The following TTC1 variants were observed in gnomAD, a reference collection of about 807,000 sequenced individuals.
The protein encoded by TTC1 is tetratricopeptide repeat protein 1.
A neutral mutation model predicts 37.6 loss-of-function variants in TTC1; 31 were observed. The observed-to-expected ratio is 0.82, with a 90% CI of 0.62 to 1.11. The LOEUF (loss-of-function observed/expected upper bound fraction) is 1.11, where lower values mean the gene tolerates loss of function less well. Ranked by LOEUF, TTC1 falls within the 50% of genes most tolerant of loss-of-function variation. The pLI, the probability that TTC1 is intolerant of heterozygous loss-of-function variation, is 0.00. For missense variants in TTC1, 351 were observed against 339.0 expected, an observed-to-expected ratio of 1.04 and a Z score of -0.28; for synonymous variants, 127 against 122.4, an observed-to-expected ratio of 1.04 and a Z score of -0.25.
intron 2 of TTC1, among the ~76,000 whole-genome samples, chr5:160,028,192 G>A (rs549251764): frequency 2.0e-5 from 3 of 151,786 alleles, no homozygotes; most frequent in Admixed American, 6.6e-5. Context: ...CCAGCTACTC[G>A]GGAGGCTGAG....
intron 2 of TTC1, among the ~76,000 whole-genome samples, chr5:160,013,742 CA>C (rs35968051): frequency 0.076 from 6,983 of 92,048 alleles, 164 homozygotes; most frequent in Middle Eastern, 0.15. Context: ...GACTCTGTCT[CA>C]AAAAAAAAAA....
Position 160,055,121 on chromosome 5 carries a change from A to G in TTC1, c.745+3938A>G, listed in dbSNP as rs190143197. Among the ~76,000 whole-genome samples, 12 of 152,350 alleles carry G rather than the reference A, an allele frequency of 7.9e-5. No homozygotes were observed. In the East Asian group the frequency reaches 2.1e-3, roughly 27 times the overall value. Reference sequence around the variant, plus strand: ...ACTGGGATGATGATACAGGTCTCCAAACAAGCTTTGATTCCAGATAGAAAA... The same window carrying G: ...ACTGGGATGATGATACAGGTCTCCAGACAAGCTTTGATTCCAGATAGAAAA... On this transcript the variant is annotated intron_variant, in intron 7 of 7. Transcript: ENST00000231238.
At chr5:160,010,044 C>T (rs990382705) in intron 1 of TTC1, among the ~76,000 whole-genome samples, 2 of 152,100 alleles carry the variant, frequency 1.3e-5, no homozygotes, top group South Asian at 2.1e-4. Context: ...CCAAACAGAA[C>T]ACGAACGGTG....
At chr5:160,049,378 C>T (rs1757341964) in intron 5 of TTC1, 136 bp from the exon 6 acceptor site, 1 of 765,176 alleles carries the variant, frequency 1.3e-6, no homozygotes, top group Non-Finnish European at 1.9e-6. Flanking sequence ...AAAAGTTTTC[C>T]AGCATCAGGT....
At chr5:160,051,700 T>G (rs2113398668) in intron 7 of TTC1, among the ~76,000 whole-genome samples, 1 of 152,254 alleles carries the variant, frequency 6.6e-6, no homozygotes, top group South Asian at 2.1e-4. Context: ...ATGGATTCAT[T>G]TGATCCATGT....
intron 3 of TTC1, among the ~76,000 whole-genome samples, chr5:160,035,997 G>A (rs1038904968): frequency 1.4e-5 from 2 of 139,782 alleles, no homozygotes; most frequent in African/African-American, 5.4e-5. Context: ...CATTAATACT[G>A]TTTTCTAATA....
At chr5:160,024,020 C>A in intron 2 of TTC1, 1 of 1,415,772 alleles carries the variant, frequency 7.1e-7, no homozygotes. Context: ...GCCTTTACAG[C>A]CACACTTCTT....
chr5:160,036,550 C>T (rs1757002304), intron 3 of TTC1, 141 bp from the exon 4 acceptor site: 1 of 610,584 alleles, frequency 1.6e-6, no homozygotes, highest in Non-Finnish European at 2.9e-6. Flanking sequence ...TTTTACTGCG[C>T]CAGACTTAAT....
chr5:160,021,545 CA>C (rs930231063), intron 2 of TTC1, among the ~76,000 whole-genome samples: 9 of 152,132 alleles, frequency 5.9e-5, no homozygotes, highest in African/African-American at 1.9e-4. Flanking sequence ...ATAGATCAGT[CA>C]TTTTTTTCCT....
chr5:160,017,187 C>A (rs1206356448), intron 2 of TTC1, among the ~76,000 whole-genome samples: 1 of 152,120 alleles, frequency 6.6e-6, no homozygotes, highest in Non-Finnish European at 1.5e-5. Context: ...AAGAGAATTG[C>A]AATAATAACA....
intron 2 of TTC1, among the ~76,000 whole-genome samples, chr5:160,033,415 A>G (rs1025907779): frequency 3.9e-5 from 6 of 152,200 alleles, no homozygotes; most frequent in African/African-American, 9.6e-5. Flanking sequence ...TGTTTAATCC[A>G]TAGTGTAATA....
In TTC1 at chr5:160,051,113, C is replaced by G; in HGVS notation, c.691-16C>G. 4.8e-6 allele frequency: 7 copies of G among 1,470,344 alleles called. No individual in the cohort carries two copies. Among genetic ancestry groups the G allele is most frequent in the Non-Finnish European group, 6.4e-6 (7 of 1,090,448 alleles). 91.1% of individuals were successfully genotyped at this position (1,470,344 alleles called of 1,614,324 possible). A position where few individuals can be genotyped will look rare whatever the true frequency, so the allele number is the denominator to read the frequency against. On this transcript the variant is annotated splice_polypyrimidine_tract_variant and intron_variant, in intron 6 of 7. Transcript: ENST00000231238. ...TTTTTTTTTTTACCAACCCTTGTTTCTCCTCTTTTCCTCAGAGATTACCTA... is the reference window on the plus strand; with the variant it reads ...TTTTTTTTTTTACCAACCCTTGTTTGTCCTCTTTTCCTCAGAGATTACCTA...
At chr5:160,024,301 A>T in intron 2 of TTC1, among the ~76,000 whole-genome samples, 1 of 152,248 alleles carries the variant, frequency 6.6e-6, no homozygotes, top group East Asian at 1.9e-4. Context: ...AGTAGCAAAA[A>T]ATAGATTCCA....
At chr5:160,063,960 C>T (rs1753515413) in intron 7 of TTC1, among the ~76,000 whole-genome samples, 1 of 137,484 alleles carries the variant, frequency 7.3e-6, no homozygotes. Context: ...TGGCTATAGA[C>T]CATGACTTTT....
chr5:160,058,133 G>GA (rs1757593125), intron 7 of TTC1, among the ~76,000 whole-genome samples: 1 of 152,032 alleles, frequency 6.6e-6, no homozygotes, highest in Admixed American at 6.5e-5. Flanking sequence ...TCACCAGGAG[G>GA]AGATTCCATC....
Position 160,065,421 on chromosome 5 carries a change from G to T in TTC1, c.*356G>T, listed in dbSNP as rs1227590367. 4.2e-6 allele frequency: 2 copies of T among 470,812 alleles called. No homozygotes were observed. The highest frequency in any genetic ancestry group is 3.1e-5 in the South Asian group (2 of 64,680). 29.2% of individuals were successfully genotyped at this position (470,812 alleles called of 1,614,324 possible). A position where few individuals can be genotyped will look rare whatever the true frequency, so the allele number is the denominator to read the frequency against. On this transcript the variant is annotated 3_prime_UTR_variant, in exon 8 of 8. Transcript: ENST00000231238. ...AACCAAACAAACCTGTTGGTTGGGA[G>T]ACTGCCCAGACATGATTGATGACGG...
intron 7 of TTC1, among the ~76,000 whole-genome samples, chr5:160,062,442 A>C (rs1302057267): frequency 1.3e-5 from 2 of 152,200 alleles, no homozygotes; most frequent in Non-Finnish European, 2.9e-5. Context: ...CTGCAAGGTC[A>C]GAAAGCACCT....
chr5:160,015,894 A>T (rs564923958), intron 2 of TTC1, among the ~76,000 whole-genome samples: 1 of 152,288 alleles, frequency 6.6e-6, no homozygotes, highest in Admixed American at 6.5e-5. Flanking sequence ...CTACCTGGAG[A>T]TAGTGACAGA....
chr5:160,033,170 G>C (rs1386697007), intron 2 of TTC1, among the ~76,000 whole-genome samples: 1 of 152,054 alleles, frequency 6.6e-6, no homozygotes, highest in Non-Finnish European at 1.5e-5. Context: ...ATACAGTAGA[G>C]ATCATTACAA....
Sources: allele counts gnomAD v4.1 joint callset (sites outside exome capture counted in the v4.1 genomes callset), GRCh38; gene constraint gnomAD v4.1.1; transcripts MANE v1.5; gene names NCBI Gene and HGNC (gene_info 2026-07-23, HGNC 2026-07-21).